Variants in HTR4 observed in about 807,000 individuals in gnomAD.
HTR4 encodes the protein 5-hydroxytryptamine receptor 4.
HTR4 carries 16 observed loss-of-function variants against 36.8 expected under a neutral mutation model. The ratio of observed to expected loss-of-function variants is 0.43; its 90% confidence interval spans 0.29 to 0.66. The LOEUF (loss-of-function observed/expected upper bound fraction) is 0.66. Among genes scored for constraint, HTR4 ranks in the 30% least tolerant of loss-of-function variants. HTR4 has a pLI of 0.13. For synonymous variants in HTR4, 189 were observed against 185.1 expected (o/e 1.02, Z -0.17); for missense variants, 438 against 490.9 (o/e 0.89, Z 1.02).
At chr5:148,484,299 A>AATGTGCCT (rs770576864) in intron 6 of HTR4, 72 of 1,613,602 alleles carry the variant, frequency 4.5e-5, no homozygotes, top group Non-Finnish European at 5.9e-5. Flanking sequence ...TCTAATGCTC[A>AATGTGCCT]ATGTGCCTGA....
At chr5:148,485,927 CTCTA>C (rs960800326) in intron 6 of HTR4, among the ~76,000 whole-genome samples, 6 of 152,154 alleles carry the variant, frequency 3.9e-5, no homozygotes, top group Non-Finnish European at 8.8e-5. Context: ...TTCTCTCCCT[CTCTA>C]TCTATCTTTG....
At chr5:148,481,312 T>C (rs958920791), downstream of HTR4, among the ~76,000 whole-genome samples, 1 of 152,248 alleles carries the variant, frequency 6.6e-6, no homozygotes, top group African/African-American at 2.4e-5. Flanking sequence ...AGTCAGGGTG[T>C]AAGTTAGAAT....
chr5:148,495,558 T>G (rs886666685), intron 6 of HTR4, among the ~76,000 whole-genome samples: 1 of 152,168 alleles, frequency 6.6e-6, no homozygotes, highest in African/African-American at 2.4e-5. Context: ...GCTGCAAGAC[T>G]GGCAAGGTCC....
chr5:148,641,330 G>A (rs968283205), intron 1 of HTR4, among the ~76,000 whole-genome samples: 2 of 152,152 alleles, frequency 1.3e-5, no homozygotes, highest in African/African-American at 4.8e-5. Context: ...GGGGGTGTGA[G>A]TGTGTTTTAA....
At chr5:148,528,436 T>C (rs1758393339) in intron 4 of HTR4, among the ~76,000 whole-genome samples, 1 of 152,110 alleles carries the variant, frequency 6.6e-6, no homozygotes, top group Non-Finnish European at 1.5e-5. Flanking sequence ...CCTAAATAAG[T>C]CACCTCATAT....
At chr5:148,451,164 A>G (rs975012790) in exon 6 of HTR4, 1 of 1,613,538 alleles carries the variant, frequency 6.2e-7, no homozygotes, top group Non-Finnish European at 8.5e-7. Flanking sequence ...TGAATGGCTA[A>G]GTTGTGAGCC....
At chr5:148,501,824 C>A (rs1341206404) in intron 6 of HTR4, among the ~76,000 whole-genome samples, 1 of 152,092 alleles carries the variant, frequency 6.6e-6, no homozygotes. Context: ...CTTTGGGAGG[C>A]TGAGGTGGGT....
chr5:148,583,713 A>G (rs896491318), intron 2 of HTR4, among the ~76,000 whole-genome samples: 22 of 152,034 alleles, frequency 1.4e-4, no homozygotes, highest in African/African-American at 5.3e-4. Context: ...CCTACCACAC[A>G]CCCACTCCTA....
intron 6 of HTR4, 200 bp downstream of exon 6, chr5:148,509,256 A>G (rs1757374208): frequency 3.9e-6 from 2 of 512,856 alleles, no homozygotes; most frequent in African/African-American, 1.9e-5. Flanking sequence ...GGACTTGATT[A>G]GAATTCAAGT....
chr5:148,603,294 A>G (rs1190065727), intron 2 of HTR4, among the ~76,000 whole-genome samples: 2 of 152,028 alleles, frequency 1.3e-5, no homozygotes, highest in African/African-American at 2.4e-5. Context: ...TATTCATACC[A>G]CCACCTCAAA....
chr5:148,616,767 AT>A (rs60023658), intron 2 of HTR4, among the ~76,000 whole-genome samples: 37,334 of 152,000 alleles, frequency 0.25, 5,511 homozygotes, highest in Non-Finnish European at 0.33. Context: ...ACACAGACAG[AT>A]TTTTTTCTTC....
intron 2 of HTR4, among the ~76,000 whole-genome samples, chr5:148,613,242 G>A (rs950382984): frequency 1.8e-4 from 26 of 147,042 alleles, no homozygotes; most frequent in Admixed American, 1.4e-3. Context: ...GAGAATTTTA[G>A]ACCAATATCC....
intron 2 of HTR4, among the ~76,000 whole-genome samples, chr5:148,552,518 C>A (rs1482638575): frequency 6.6e-6 from 1 of 152,188 alleles, no homozygotes; most frequent in Non-Finnish European, 1.5e-5. Flanking sequence ...AACGGCCCCC[C>A]TGAAACTCAT....
chr5:148,559,751 GAATGCCAAAGACACTGCTCCCCAAAGC>G (rs1254600993), intron 2 of HTR4, among the ~76,000 whole-genome samples: 1 of 152,008 alleles, frequency 6.6e-6, no homozygotes, highest in Non-Finnish European at 1.5e-5. Context: ...ACTAACAACA[GAATGCCAAAGACACTGCTCCCCAAAGC>G]AATTACGTAA....
At chr5:148,529,507 G>A (rs557549622) in intron 4 of HTR4, among the ~76,000 whole-genome samples, 49 of 152,288 alleles carry the variant, frequency 3.2e-4, no homozygotes, top group East Asian at 5.8e-4. Context: ...CATGGCTTTC[G>A]CCTTCTGCCA....
At chr5:148,535,026 A>C (rs1403724542) in intron 4 of HTR4, among the ~76,000 whole-genome samples, 1 of 152,144 alleles carries the variant, frequency 6.6e-6, no homozygotes, top group Non-Finnish European at 1.5e-5. Context: ...CTGTGAGGAA[A>C]CAGGGGAGCC....
At chr5:148,610,670 G>A (rs1752386434) in intron 2 of HTR4, among the ~76,000 whole-genome samples, 1 of 151,994 alleles carries the variant, frequency 6.6e-6, no homozygotes, top group Non-Finnish European at 1.5e-5. Context: ...GAACAAAGCT[G>A]GACGGAGAAT....
At chr5:148,579,705 T>C (rs982384759) in intron 2 of HTR4, among the ~76,000 whole-genome samples, 23 of 152,002 alleles carry the variant, frequency 1.5e-4, no homozygotes, top group Non-Finnish European at 2.4e-4. Context: ...GTTGTAGGAC[T>C]AAAGACCCCA....
chr5:148,473,822 G>T (rs1028479105), downstream of HTR4, among the ~76,000 whole-genome samples: 1 of 152,122 alleles, frequency 6.6e-6, no homozygotes, highest in Non-Finnish European at 1.5e-5. Context: ...ATGCAAGGTG[G>T]AATCACAATC....
Sources: allele counts gnomAD v4.1 joint callset (sites outside exome capture counted in the v4.1 genomes callset), GRCh38; gene constraint gnomAD v4.1.1; transcripts MANE v1.5; gene names NCBI Gene and HGNC (gene_info 2026-07-23, HGNC 2026-07-21).